The following KANK1 variants were observed in gnomAD, a reference collection of about 807,000 sequenced individuals.
KANK1 encodes KN motif and ankyrin repeat domains 1.
In KANK1, 109 loss-of-function variants were observed where a neutral mutation model predicts 106.2. That is an observed-to-expected ratio of 1.03 (90% CI 0.88 to 1.20). KANK1 has a LOEUF of 1.20. Among genes scored for constraint, KANK1 ranks in the 50% most tolerant of loss-of-function variants. KANK1 has a pLI of 0.00. For missense variants in KANK1, 2,399 were observed against 1,710.7 expected (o/e 1.40, Z -7.10); for synonymous variants, 873 against 652.2 (o/e 1.34, Z -5.16).
intron 2 of KANK1, among the ~76,000 whole-genome samples, chr9:678,170 C>T (rs955174280): frequency 1.2e-4 from 19 of 152,260 alleles, no homozygotes; most frequent in Admixed American, 3.3e-4. Flanking sequence ...TTTCCCTGTC[C>T]ATTCCATTTT....
intron 1 of KANK1, chr9:660,292 C>A: frequency 4.4e-6 from 1 of 226,600 alleles, no homozygotes. Flanking sequence ...ATTGGAATGG[C>A]TAAGGACAAC....
intron 2 of KANK1, among the ~76,000 whole-genome samples, chr9:704,588 G>A (rs931823843): frequency 6.6e-6 from 1 of 152,078 alleles, no homozygotes; most frequent in African/African-American, 2.4e-5. Flanking sequence ...TCTTTGCCAT[G>A]GCCACCCCTA....
chr9:600,947 C>T (rs1453907248), intron 1 of KANK1, among the ~76,000 whole-genome samples: 3 of 151,708 alleles, frequency 2.0e-5, no homozygotes, highest in Non-Finnish European at 4.4e-5. Context: ...CTGTGATGTT[C>T]TGTCTTTCTG....
chr9:682,021 T>G (rs1009439302), intron 2 of KANK1, among the ~76,000 whole-genome samples: 1 of 152,190 alleles, frequency 6.6e-6, no homozygotes, highest in African/African-American at 2.4e-5. Flanking sequence ...GGCTTACGCC[T>G]GTAATTCCAG....
intron 1 of KANK1, among the ~76,000 whole-genome samples, chr9:674,953 C>T (rs570653257): frequency 3.7e-4 from 57 of 152,242 alleles, no homozygotes; most frequent in Middle Eastern, 3.4e-3. Flanking sequence ...GATCTGCCTG[C>T]GTCAGCCTCC....
In KANK1 at chr9:712,126, G is replaced by A. The variant is rs1554698949; in HGVS notation, c.1360G>A (p.Glu454Lys). ...TGGAGTGATGACTGAAGCTGACAAA[G>A]AAATTGAGCTGCAACAGCAGACCAT... ...MLGVMTEADKEIELQQQTIES... is the reference protein window; with the variant it reads ...MLGVMTEADKKIELQQQTIES... Residue 454 changes from glutamate (E) to lysine (K), a missense_variant, in exon 3 of 12, where the codon GAA becomes AAA. Physicochemically the swap from Glu to Lys is moderately conservative, Grantham distance 56. Coordinates refer to ENST00000382297, the MANE Select transcript of KANK1 (RefSeq NM_015158.5). 1 of 1,614,118 alleles carries A rather than the reference G, an allele frequency of 6.2e-7. No homozygotes were observed.
chr9:612,220 G>C (rs978144573), intron 1 of KANK1, among the ~76,000 whole-genome samples: 3 of 152,154 alleles, frequency 2.0e-5, no homozygotes, highest in Non-Finnish European at 4.4e-5. Flanking sequence ...AATACACAAA[G>C]CCAGGTGTTG....
chr9:684,465 C>A, intron 2 of KANK1: 1 of 985,396 alleles, frequency 1.0e-6, no homozygotes, highest in Non-Finnish European at 1.2e-6. Flanking sequence ...AGAACTCGAG[C>A]TGTTGCTATT....
chr9:705,497 C>T (rs1322634068), intron 2 of KANK1, among the ~76,000 whole-genome samples: 1 of 151,884 alleles, frequency 6.6e-6, no homozygotes, highest in Non-Finnish European at 1.5e-5. Flanking sequence ...GTTATTTATT[C>T]CTTCAGTAAA....
chr9:565,781 C>G (rs913328135), intron 1 of KANK1, among the ~76,000 whole-genome samples: 1 of 152,174 alleles, frequency 6.6e-6, no homozygotes, highest in Non-Finnish European at 1.5e-5. Context: ...AAGAGTGATG[C>G]TATTTACCAC....
chr9:537,686 T>G (rs1320443761), intron 1 of KANK1, among the ~76,000 whole-genome samples: 1 of 151,908 alleles, frequency 6.6e-6, no homozygotes, highest in Non-Finnish European at 1.5e-5. Flanking sequence ...GGGTGGGAGA[T>G]CGATTTTTGC....
chr9:597,981 TAA>T (rs1826649207), intron 1 of KANK1, among the ~76,000 whole-genome samples: 2 of 151,842 alleles, frequency 1.3e-5, no homozygotes, highest in Admixed American at 1.3e-4. Context: ...TGTTTTCTTC[TAA>T]GAAGTTATGC....
chr9:732,523 C>T lies in KANK1; in HGVS notation c.3151C>T (p.His1051Tyr). The T allele has an allele frequency of 6.2e-7, 1 of 1,614,102 alleles. No homozygotes were observed. The highest frequency in any genetic ancestry group is 1.1e-5 in the South Asian group (1 of 91,062). The stretch of plus-strand genomic sequence containing the variant: ...CACTCGGGGAATGGCAGAAGGGCAC[C>T]ATGCAGTTAATATTGAAGGTTTGAA... ...EDTRGMAEGH[H>Y]AVNIEGLKSA... Residue 1051 changes from histidine to tyrosine, a missense_variant, in exon 6 of 12, where the codon CAT (histidine) becomes TAT (tyrosine). Coordinates refer to ENST00000382297, the MANE Select transcript of KANK1 (RefSeq NM_015158.5).
chr9:685,873 G>A (rs756113291), intron 2 of KANK1, among the ~76,000 whole-genome samples: 3 of 152,140 alleles, frequency 2.0e-5, no homozygotes, highest in Non-Finnish European at 4.4e-5. Context: ...ATAATTTTGT[G>A]AAAACATTGA....
chr9:575,471 C>T (rs1168250965), intron 1 of KANK1, among the ~76,000 whole-genome samples: 2 of 148,126 alleles, frequency 1.4e-5, no homozygotes, highest in African/African-American at 5.0e-5. Context: ...AGTTTGAGAC[C>T]AGCTTGGGCA....
chr9:700,066 C>T (rs1451842935), intron 2 of KANK1, among the ~76,000 whole-genome samples: 2 of 152,196 alleles, frequency 1.3e-5, no homozygotes, highest in African/African-American at 4.8e-5. Context: ...GCAGTATAAA[C>T]TCTGTGAGGA....
intron 1 of KANK1, among the ~76,000 whole-genome samples, chr9:662,432 C>G (rs1285956614): frequency 6.6e-6 from 1 of 152,112 alleles, no homozygotes; most frequent in Non-Finnish European, 1.5e-5. Context: ...AACTATACTA[C>G]AAGGCTTCGG....
intron 1 of KANK1, among the ~76,000 whole-genome samples, chr9:672,589 G>A (rs1032804558): frequency 1.3e-5 from 2 of 152,106 alleles, no homozygotes; most frequent in African/African-American, 4.8e-5. Context: ...AACTGAGATA[G>A]TGGCATTTGA....
chr9:479,336 C>T (rs535298479), intron 3 of KANK1, among the ~76,000 whole-genome samples: 1 of 152,180 alleles, frequency 6.6e-6, no homozygotes, highest in Non-Finnish European at 1.5e-5. Context: ...TGGAGTTGCT[C>T]ATTGACCTAC....
Sources: allele counts gnomAD v4.1 joint callset (sites outside exome capture counted in the v4.1 genomes callset), GRCh38; gene constraint gnomAD v4.1.1; transcripts MANE v1.5; gene names NCBI Gene and HGNC (gene_info 2026-07-23, HGNC 2026-07-21).